PRDM2: variants seen among roughly 807,000 people sequenced by gnomAD.
PRDM2 encodes the protein PR/SET domain 2.
In PRDM2, 30 loss-of-function variants were observed where a neutral mutation model predicts 130.0. That is an observed-to-expected ratio of 0.23 (90% CI 0.17 to 0.31). The LOEUF (loss-of-function observed/expected upper bound fraction) is 0.31, where lower values mean the gene tolerates loss of function less well. Ranked by LOEUF, PRDM2 falls within the 10% of genes least tolerant of loss-of-function variation. The probability of loss-of-function intolerance (pLI) is 1.00; values close to 1 mark genes in which losing one functional copy is unlikely to be tolerated. For missense variants in PRDM2, 2,011 were observed against 2,108.4 expected (o/e 0.95, Z 0.90); for synonymous variants, 871 against 782.4 (o/e 1.11, Z -1.89).
intron 4 of PRDM2, among the ~76,000 whole-genome samples, chr1:13,739,328 G>A (rs1160835284): frequency 2.6e-5 from 4 of 152,242 alleles, no homozygotes; most frequent in Non-Finnish European, 5.9e-5. Flanking sequence ...GATTACAGGC[G>A]TGAACCACCG....
At chr1:13,816,361 C>A in intron 8 of PRDM2, 66 bp from the exon 9 acceptor site, 1 of 1,587,408 alleles carries the variant, frequency 6.3e-7, no homozygotes, top group Admixed American at 1.7e-5. Context: ...GGAAGCCCCC[C>A]CAGCAATGTC....
At position 13,817,041 on chromosome 1, in the gene PRDM2, A is replaced by G. The variant is rs544740838; in HGVS notation, c.*23+471A>G. Among the ~76,000 whole-genome samples the G allele has an allele frequency of 2.4e-3, 368 of 152,370 alleles. 2 individuals are homozygous for G. Among genetic ancestry groups the G allele is most frequent in the South Asian group, 0.013 (62 of 4,830 alleles). On this transcript the variant is annotated intron_variant, in intron 9 of 9. Coordinates refer to ENST00000311066, the MANE Select transcript of PRDM2 (RefSeq NM_001393986.1). ...GCCCAGAAAAGATGACCGAGTTCCT[A>G]TTCTCACAATGTTTTTGAAAGTCAA... is the stretch of plus-strand genomic sequence containing the variant.
chr1:13,788,522 T>G (rs1479650106), intron 8 of PRDM2, among the ~76,000 whole-genome samples: 1 of 152,196 alleles, frequency 6.6e-6, no homozygotes, highest in Non-Finnish European at 1.5e-5. Context: ...CGGTTTCCTA[T>G]AGTTCATCAT....
intron 2 of PRDM2, among the ~76,000 whole-genome samples, chr1:13,725,224 A>G (rs1642872316): frequency 6.6e-6 from 1 of 152,118 alleles, no homozygotes; most frequent in Non-Finnish European, 1.5e-5. Context: ...TTTATTTTTG[A>G]GAAGGAGTCT....
intron 2 of PRDM2, among the ~76,000 whole-genome samples, chr1:13,722,615 C>T (rs1260657795): frequency 6.6e-6 from 1 of 152,076 alleles, no homozygotes; most frequent in Non-Finnish European, 1.5e-5. Context: ...AGTTAAAACT[C>T]AGTCTCACCA....
chr1:13,713,449 G>C (rs1422062942), intron 1 of PRDM2, among the ~76,000 whole-genome samples: 2 of 152,142 alleles, frequency 1.3e-5, no homozygotes, highest in Non-Finnish European at 2.9e-5. Flanking sequence ...TTTGGTGAAG[G>C]GGACCTGAGC....
chr1:13,775,684 C>T (rs1644460310), intron 7 of PRDM2, among the ~76,000 whole-genome samples: 1 of 152,172 alleles, frequency 6.6e-6, no homozygotes, highest in Admixed American at 6.5e-5. Flanking sequence ...TTGACCTCTT[C>T]CCCACTGTAT....
intron 8 of PRDM2, among the ~76,000 whole-genome samples, chr1:13,794,408 C>T (rs558921475): frequency 9.5e-4 from 145 of 152,352 alleles, no homozygotes; most frequent in Middle Eastern, 3.4e-3. Flanking sequence ...CAGGCAGGAA[C>T]TTTGATTTCT....
chr1:13,735,543 T>A (rs375068940), intron 4 of PRDM2, among the ~76,000 whole-genome samples: 1 of 152,354 alleles, frequency 6.6e-6, no homozygotes, highest in East Asian at 1.9e-4. Context: ...TTTTCTTCTT[T>A]TTCTTTCAAA....
intron 8 of PRDM2, among the ~76,000 whole-genome samples, chr1:13,810,281 G>C (rs1040295730): frequency 6.6e-6 from 1 of 152,136 alleles, no homozygotes; most frequent in Non-Finnish European, 1.5e-5. Context: ...CCCTACCCTT[G>C]AACTTGCCCT....
intron 8 of PRDM2, among the ~76,000 whole-genome samples, chr1:13,799,827 A>T (rs1221171075): frequency 6.6e-6 from 1 of 152,258 alleles, no homozygotes; most frequent in Non-Finnish European, 1.5e-5. Flanking sequence ...AACAAGTTGA[A>T]TACTTAGAAA....
intron 9 of PRDM2, among the ~76,000 whole-genome samples, chr1:13,817,728 G>A (rs865950515): frequency 6.6e-6 from 1 of 151,994 alleles, no homozygotes; most frequent in African/African-American, 2.4e-5. Context: ...AGCCGGGCGC[G>A]GTCGCTCACA....
intron 4 of PRDM2, among the ~76,000 whole-genome samples, chr1:13,737,758 G>A (rs535521757): frequency 6.6e-6 from 1 of 152,052 alleles, no homozygotes; most frequent in Non-Finnish European, 1.5e-5. Context: ...TACTCAGATT[G>A]GCAGCTTGGT....
intron 6 of PRDM2, among the ~76,000 whole-genome samples, chr1:13,755,892 C>G (rs1419923773): frequency 6.6e-6 from 1 of 151,994 alleles, no homozygotes; most frequent in Non-Finnish European, 1.5e-5. Flanking sequence ...CCTTAGCCTC[C>G]CTAATAGCTG....
At chr1:13,768,468 C>T (rs1189465131) in intron 6 of PRDM2, among the ~76,000 whole-genome samples, 1 of 151,846 alleles carries the variant, frequency 6.6e-6, no homozygotes, top group African/African-American at 2.4e-5. Context: ...CAGTCTCCAC[C>T]TCCCGGGTTC....
chr1:13,713,158 T>C (rs982059262), intron 1 of PRDM2, among the ~76,000 whole-genome samples: 57 of 152,324 alleles, frequency 3.7e-4, no homozygotes, highest in South Asian at 6.2e-4. Flanking sequence ...ACTATCTCCC[T>C]CTCCATAACT....
intron 5 of PRDM2, 108 bp downstream of exon 5, chr1:13,742,265 A>C (rs1295140813): frequency 4.8e-6 from 6 of 1,262,808 alleles, no homozygotes; most frequent in Non-Finnish European, 6.6e-6. Context: ...CAGGGGCTCC[A>C]TCACGGCTCA....
chr1:13,787,889 G>A, intron 8 of PRDM2: 1 of 984,786 alleles, frequency 1.0e-6, no homozygotes, highest in Non-Finnish European at 1.2e-6. Flanking sequence ...CACTGAGAGA[G>A]AGAGAGGTTA....
Position 13,782,520 on chromosome 1 carries a change from C to T in PRDM2, c.4725C>T (p.Asn1575=), listed in dbSNP as rs533594434. 1 of 1,614,142 alleles carries T rather than the reference C, an allele frequency of 6.2e-7. No individual in the cohort carries two copies. The highest frequency in any genetic ancestry group is 1.3e-5 in the African/African-American group (1 of 75,028). Residue 1575 remains asparagine (N), a synonymous_variant, in exon 8 of 10, where the codon AAC becomes AAT. Transcript: ENST00000311066. ...AACCAAGCTCCTCCTCTTTAAGGAACTCCAGCCCGATAAGAATGGCCAAAA... is the reference window on the plus strand; with the variant it reads ...AACCAAGCTCCTCCTCTTTAAGGAATTCCAGCCCGATAAGAATGGCCAAAA... ...SKKPSSSSLR[N]SSPIRMAKIT...
Sources: gnomAD v4.1 joint callset for allele counts (sites outside exome capture counted in the v4.1 genomes callset) on GRCh38, gnomAD v4.1.1 for gene constraint, MANE v1.5 for transcripts, NCBI Gene and HGNC (gene_info 2026-07-23, HGNC 2026-07-21) for gene names.